Variants in LEKR1 observed in about 807,000 individuals in gnomAD.
LEKR1 encodes the protein leucine, glutamate and lysine rich 1, also known as protein LEKR1.
LEKR1 carries 59 observed loss-of-function variants against 72.4 expected under a neutral mutation model. The ratio of observed to expected loss-of-function variants is 0.82; its 90% CI spans 0.66 to 1.01. The LOEUF is 1.01. Ranked by LOEUF, LEKR1 falls within the 50% of genes least tolerant of loss-of-function variation. LEKR1 has a pLI of 0.00. For missense variants in LEKR1, 728 were observed against 759.2 expected (o/e 0.96, Z 0.48); for synonymous variants, 257 against 263.2 (o/e 0.98, Z 0.23).
chr3:157,042,349 TC>T (rs1399533375), intron 12 of LEKR1, among the ~76,000 whole-genome samples: 2 of 152,182 alleles, frequency 1.3e-5, no homozygotes, highest in Non-Finnish European at 2.9e-5. Context: ...CAGCAGCTCT[TC>T]CCCCACCCCG....
chr3:156,933,940 A>G (rs887163890), intron 5 of LEKR1, among the ~76,000 whole-genome samples: 8 of 152,172 alleles, frequency 5.3e-5, no homozygotes, highest in African/African-American at 1.9e-4. Flanking sequence ...TGACTGTACA[A>G]TATGTGAAAA....
At chr3:156,876,132 G>T (rs116690316) in intron 3 of LEKR1, among the ~76,000 whole-genome samples, 4,833 of 152,052 alleles carry the variant, frequency 0.032, 115 homozygotes, top group Non-Finnish European at 0.047. Context: ...TTGAAAATCA[G>T]GTGGCTGTAA....
intron 9 of LEKR1, among the ~76,000 whole-genome samples, chr3:156,995,916 C>T (rs989203455): frequency 2.0e-5 from 3 of 151,674 alleles, no homozygotes; most frequent in Non-Finnish European, 2.9e-5. Flanking sequence ...TAAACATAAG[C>T]GTTGCCTTCT....
rs1716013546 is a variant in LEKR1, at chr3:156,856,039, CAGA to C, written c.263+3064_263+3066del. Among the ~76,000 whole-genome samples, 4 of 152,164 alleles carry C rather than the reference CAGA, an allele frequency of 2.6e-5. No homozygotes were observed. The South Asian group carries it at 8.3e-4, about 32-fold the overall frequency. The stretch of plus-strand genomic sequence containing the variant: ...TAAAGAGAAGTTAGAGTACTGTTAT[CAGA>C]AGAAGAGGGAATAGACTCACGCAAG... On this transcript the variant is annotated intron_variant, in intron 3 of 12. Transcript: ENST00000356539.
chr3:156,861,940 A>G (rs1442913286), intron 3 of LEKR1, among the ~76,000 whole-genome samples: 1 of 151,978 alleles, frequency 6.6e-6, no homozygotes, highest in Non-Finnish European at 1.5e-5. Context: ...ATTTTCTTTT[A>G]TTTCTTCTCT....
chr3:156,870,082 A>G (rs564170300), intron 3 of LEKR1, among the ~76,000 whole-genome samples: 3 of 152,078 alleles, frequency 2.0e-5, no homozygotes, highest in South Asian at 4.2e-4. Flanking sequence ...TTTTATGCCA[A>G]TTGCATGTTG....
At chr3:156,986,982 G>A (rs981284289) in intron 7 of LEKR1, among the ~76,000 whole-genome samples, 1 of 152,058 alleles carries the variant, frequency 6.6e-6, no homozygotes, top group African/African-American at 2.4e-5. Flanking sequence ...GAATGGAGTG[G>A]CATATAGCAT....
At chr3:156,851,165 C>A (rs1715311732) in intron 2 of LEKR1, 2 of 152,108 alleles carry the variant, frequency 1.3e-5, no homozygotes, top group South Asian at 4.1e-4. Flanking sequence ...TTAGAGAAAT[C>A]TAGAATGAGG....
chr3:156,828,697 TAAAAG>T (rs974766266), intron 1 of LEKR1, among the ~76,000 whole-genome samples: 2 of 152,192 alleles, frequency 1.3e-5, no homozygotes, highest in African/African-American at 4.8e-5. Flanking sequence ...GAAAATCTGT[TAAAAG>T]TAAAATATCT....
chr3:156,925,568 A>G (rs990229562), intron 4 of LEKR1, among the ~76,000 whole-genome samples: 9 of 151,994 alleles, frequency 5.9e-5, no homozygotes, highest in African/African-American at 9.7e-5. Flanking sequence ...AGAGAATGTT[A>G]AGGTTACCAA....
At chr3:157,013,574 T>A (rs928736268) in intron 10 of LEKR1, among the ~76,000 whole-genome samples, 8 of 152,148 alleles carry the variant, frequency 5.3e-5, no homozygotes, top group African/African-American at 1.7e-4. Context: ...GTATATATTT[T>A]CTATAGTATA....
intron 6 of LEKR1, among the ~76,000 whole-genome samples, chr3:156,962,589 A>C (rs1728219973): frequency 6.6e-6 from 1 of 152,200 alleles, no homozygotes; most frequent in Non-Finnish European, 1.5e-5. Flanking sequence ...TGATCACTGG[A>C]GTCGTCTAAG....
chr3:156,859,244 A>G (rs1716458604), intron 3 of LEKR1, among the ~76,000 whole-genome samples: 1 of 152,176 alleles, frequency 6.6e-6, no homozygotes, highest in Non-Finnish European at 1.5e-5. Flanking sequence ...TTCAAAATGA[A>G]TATGGATTTA....
intron 3 of LEKR1, among the ~76,000 whole-genome samples, chr3:156,881,848 A>T (rs1246408244): frequency 7.1e-6 from 1 of 141,072 alleles, no homozygotes; most frequent in African/African-American, 2.7e-5. Flanking sequence ...ATAACGCCGC[A>T]TATCTACAAC....
intron 2 of LEKR1, among the ~76,000 whole-genome samples, chr3:156,843,465 G>A (rs1576645068): frequency 6.6e-6 from 1 of 151,674 alleles, no homozygotes; most frequent in Admixed American, 6.6e-5. Context: ...ATTACCACAG[G>A]ACACAAAAGT....
chr3:156,974,474 C>G (rs1200106307), intron 6 of LEKR1, among the ~76,000 whole-genome samples: 1 of 152,156 alleles, frequency 6.6e-6, no homozygotes, highest in Non-Finnish European at 1.5e-5. Context: ...ACTGACAACG[C>G]TCCTTGTTAC....
chr3:156,879,482 C>T (rs1443819288), intron 3 of LEKR1, among the ~76,000 whole-genome samples: 1 of 151,954 alleles, frequency 6.6e-6, no homozygotes, highest in Non-Finnish European at 1.5e-5. Context: ...AGGGAAACAG[C>T]ATAAAAGTTC....
In LEKR1 at chr3:156,992,699, C is replaced by A; in HGVS notation, c.874C>A (p.Leu292Met). ...TGACTGTCAAAGAGAACTTAAAAAACTGAAGTTTGAATCCATTATTTCTGA... is the reference window on the plus strand; with the variant it reads ...TGACTGTCAAAGAGAACTTAAAAAAATGAAGTTTGAATCCATTATTTCTGA... The part of the protein sequence containing the change: ...ADDCQRELKK[L>M]KFESIISESQ... The change falls in exon 8 of 13, where the codon CTG becomes ATG. Residue 292 changes from leucine (L) to methionine (M), a missense_variant. Transcript: ENST00000356539. The A allele has an allele frequency of 9.6e-7, 1 of 1,042,924 alleles. No individual in the cohort carries two copies. Among genetic ancestry groups the A allele is most frequent in the Non-Finnish European group, 1.2e-6 (1 of 828,574 alleles). The allele number at this position is 1,042,924 out of a possible 1,614,324, so 64.6% of individuals were successfully genotyped here.
intron 9 of LEKR1, among the ~76,000 whole-genome samples, chr3:156,996,204 T>A (rs1731548274): frequency 6.6e-6 from 1 of 152,078 alleles, no homozygotes; most frequent in Admixed American, 6.5e-5. Context: ...TAAATTGTGA[T>A]AATGGATATG....
Sources: gnomAD v4.1 joint callset for allele counts (sites outside exome capture counted in the v4.1 genomes callset) on GRCh38, gnomAD v4.1.1 for gene constraint, MANE v1.5 for transcripts, NCBI Gene and HGNC (gene_info 2026-07-23, HGNC 2026-07-21) for gene names.